Variants in NCALD observed in about 807,000 individuals in gnomAD.
NCALD encodes the protein neurocalcin-delta.
In NCALD, 10 loss-of-function variants were observed where a neutral mutation model predicts 18.6. That is an observed-to-expected ratio of 0.54 (90% CI 0.33 to 0.91). The LOEUF (loss-of-function observed/expected upper bound fraction) is 0.91, where lower values mean the gene tolerates loss of function less well. NCALD is among the 40% of genes least tolerant of loss of function. The probability of loss-of-function intolerance (pLI) is 0.03; values close to 1 mark genes in which losing one functional copy is unlikely to be tolerated. For synonymous variants in NCALD, 88 were observed against 87.4 expected (o/e 1.01, Z -0.04); for missense variants, 184 against 247.6 (o/e 0.74, Z 1.72).
In NCALD at chr8:102,057,551, C is replaced by T. The variant is rs960001163; in HGVS notation, c.-209-37262G>A. 2.4e-4 allele frequency among the ~76,000 whole-genome samples: 36 copies of T among 152,318 alleles called. 2 individuals are homozygous for T. The South Asian group carries it at 6.6e-3, about 28-fold the overall frequency. ...TAAAATTTTCATGCTCCAGTGTCTA[C>T]TGAAAAATAACTGTTTCATTTTACA... On this transcript the variant is annotated intron_variant, in intron 1 of 6. Coordinates refer to the NCALD transcript ENST00000311028.
chr8:102,038,224 GA>G (rs1822936274), intron 1 of NCALD, among the ~76,000 whole-genome samples: 1 of 152,140 alleles, frequency 6.6e-6, no homozygotes, highest in South Asian at 2.1e-4. Flanking sequence ...TTGCCCCTAG[GA>G]AAAGGACAAG....
At chr8:101,794,289 C>T (rs978214307), upstream of NCALD, among the ~76,000 whole-genome samples, 1 of 152,142 alleles carries the variant, frequency 6.6e-6, no homozygotes, top group Non-Finnish European at 1.5e-5. Flanking sequence ...CAACCCAGAA[C>T]ACAGTGAATC....
At chr8:102,058,062 G>A (rs1823716985) in intron 1 of NCALD, among the ~76,000 whole-genome samples, 2 of 152,174 alleles carry the variant, frequency 1.3e-5, no homozygotes, top group Non-Finnish European at 2.9e-5. Context: ...AGACTTCAAT[G>A]TTAGGAGACT....
At chr8:101,789,383 C>T (rs1431002728) in intron 1 of NCALD, among the ~76,000 whole-genome samples, 2 of 152,084 alleles carry the variant, frequency 1.3e-5, no homozygotes, top group Non-Finnish European at 2.9e-5. Flanking sequence ...AAATCCTCCA[C>T]GGAGACCCTG....
At chr8:102,001,064 G>A (rs894207259) in intron 2 of NCALD, among the ~76,000 whole-genome samples, 2 of 152,148 alleles carry the variant, frequency 1.3e-5, no homozygotes, top group Admixed American at 1.3e-4. Flanking sequence ...GGCTTCAGAT[G>A]ATCAAACTAC....
At chr8:101,981,586 C>G (rs1442257899) in intron 2 of NCALD, among the ~76,000 whole-genome samples, 1 of 152,186 alleles carries the variant, frequency 6.6e-6, no homozygotes, top group Non-Finnish European at 1.5e-5. Flanking sequence ...GATTTATTCT[C>G]CTGCCCAAAG....
chr8:101,840,785 T>C (rs1415482854), intron 4 of NCALD, among the ~76,000 whole-genome samples: 3 of 152,304 alleles, frequency 2.0e-5, no homozygotes, highest in South Asian at 4.1e-4. Context: ...TGAGGTATTA[T>C]TTGAAGCGCA....
intron 1 of NCALD, among the ~76,000 whole-genome samples, chr8:101,774,690 G>A (rs76023584): frequency 0.028 from 4,221 of 152,156 alleles, 94 homozygotes; most frequent in Middle Eastern, 0.048. Context: ...GGCAATAGGC[G>A]CCATGAATGT....
Position 101,990,890 on chromosome 8 carries a change from G to T in NCALD, c.-157+29347C>A, listed in dbSNP as rs75794304. 6.2e-3 allele frequency among the ~76,000 whole-genome samples: 947 copies of T among 152,226 alleles called. 8 individuals are homozygous for T. Among genetic ancestry groups the T allele is most frequent in the African/African-American group, 0.021 (852 of 41,532 alleles). ...TTAGTAGATATCATAAAAGTAACTT[G>T]CAGAACAAAAATCCCCTGAGCACAC... is the stretch of plus-strand genomic sequence containing the variant. On this transcript the variant is annotated intron_variant, in intron 2 of 6. Transcript: ENST00000311028.
At chr8:101,931,652 CTTTGTTTG>C in intron 2 of NCALD, among the ~76,000 whole-genome samples, 1 of 150,428 alleles carries the variant, frequency 6.6e-6, no homozygotes, top group African/African-American at 2.4e-5. Flanking sequence ...CTCGTATTTT[CTTTGTTTG>C]TTTGGGTTTG....
intron 2 of NCALD, among the ~76,000 whole-genome samples, chr8:101,956,298 G>A (rs1430412510): frequency 6.6e-6 from 1 of 152,234 alleles, no homozygotes; most frequent in African/African-American, 2.4e-5. Flanking sequence ...AGCATGGAAA[G>A]GTAACATGTT....
chr8:102,032,988 G>A (rs191045074), intron 1 of NCALD, among the ~76,000 whole-genome samples: 8 of 152,308 alleles, frequency 5.3e-5, no homozygotes, highest in Non-Finnish European at 7.3e-5. Context: ...GCTATGGTGC[G>A]TGAATTACAC....
chr8:102,081,957 C>T (rs688431), intron 1 of NCALD, among the ~76,000 whole-genome samples: 130,129 of 152,136 alleles, frequency 0.86, 56,287 homozygotes, highest in African/African-American at 0.97. Flanking sequence ...TGCTTTGCCT[C>T]GTAACAAACT....
In NCALD at chr8:101,686,758, T is replaced by C. The variant is rs1814490325; in HGVS notation, c.*2551A>G. 1 of 152,716 alleles carries C rather than the reference T, an allele frequency of 6.5e-6. No individual in the cohort carries two copies. The highest frequency in any genetic ancestry group is 1.5e-5 in the Non-Finnish European group (1 of 68,108). The allele number at this position is 152,716 out of a possible 1,614,324, so 9.5% of individuals were successfully genotyped here. A position where few individuals can be genotyped will look rare whatever the true frequency, so the allele number is the denominator to read the frequency against. ...GAATCCTTCAGGTCGTAAGCCACTT[T>C]ATTCCAGTCCCTTGAACATCACAGG... is the stretch of plus-strand genomic sequence containing the variant. On this transcript the variant is annotated 3_prime_UTR_variant, in exon 4 of 4. Transcript: ENST00000220931.
intron 4 of NCALD, among the ~76,000 whole-genome samples, chr8:101,834,220 C>T (rs1436514400): frequency 6.6e-6 from 1 of 152,176 alleles, no homozygotes; most frequent in Non-Finnish European, 1.5e-5. Context: ...GTACATCAGT[C>T]GATGCATTTA....
intron 4 of NCALD, among the ~76,000 whole-genome samples, chr8:101,815,022 T>C (rs570972885): frequency 6.6e-6 from 1 of 152,268 alleles, no homozygotes; most frequent in Non-Finnish European, 1.5e-5. Context: ...AGACTCAATA[T>C]TGTCAAGATG....
chr8:101,943,666 C>T (rs1312477766), intron 2 of NCALD, among the ~76,000 whole-genome samples: 1 of 152,104 alleles, frequency 6.6e-6, no homozygotes, highest in Admixed American at 6.5e-5. Context: ...GTCGGCTGGG[C>T]GCCGTAGCTC....
intron 1 of NCALD, among the ~76,000 whole-genome samples, chr8:101,779,524 A>G (rs1194975405): frequency 6.6e-6 from 1 of 152,214 alleles, no homozygotes; most frequent in African/African-American, 2.4e-5. Flanking sequence ...ATGTGTTTAA[A>G]CAATTTGTGG....
At chr8:101,940,756 T>C (rs952327496) in intron 2 of NCALD, among the ~76,000 whole-genome samples, 1 of 152,060 alleles carries the variant, frequency 6.6e-6, no homozygotes, top group East Asian at 1.9e-4. Flanking sequence ...GCACAGAGCC[T>C]AACTGGCCAG....
Sources: allele counts gnomAD v4.1 joint callset (sites outside exome capture counted in the v4.1 genomes callset), GRCh38; gene constraint gnomAD v4.1.1; transcripts MANE v1.5; gene names NCBI Gene and HGNC (gene_info 2026-07-23, HGNC 2026-07-21).